SLC1A2: variants seen among roughly 807,000 people sequenced by gnomAD.
SLC1A2 encodes solute carrier family 1 member 2, also known as excitatory amino acid transporter 2.
In SLC1A2, 15 loss-of-function variants were observed where a neutral mutation model predicts 48.8. The ratio of observed to expected loss-of-function variants is 0.31; its 90% CI spans 0.21 to 0.47. SLC1A2 has a LOEUF of 0.47. SLC1A2 is among the 20% of genes least tolerant of loss of function. The pLI is 0.99. For synonymous variants in SLC1A2, 279 were observed against 272.6 expected, an observed-to-expected ratio of 1.02 and a Z score of -0.23; for missense variants, 502 against 730.5, an observed-to-expected ratio of 0.69 and a Z score of 3.61.
chr11:35,301,256 C>G (rs1169777163), intron 6 of SLC1A2, among the ~76,000 whole-genome samples: 2 of 152,120 alleles, frequency 1.3e-5, no homozygotes, highest in East Asian at 3.9e-4. Flanking sequence ...AAGACAGTTA[C>G]ATAAAAATAT....
At chr11:35,359,338 C>T (rs1853596694) in intron 1 of SLC1A2, among the ~76,000 whole-genome samples, 1 of 152,194 alleles carries the variant, frequency 6.6e-6, no homozygotes, top group Admixed American at 6.5e-5. Context: ...TCTTCAAGAT[C>T]CAATCATGGA....
intron 9 of SLC1A2, among the ~76,000 whole-genome samples, chr11:35,277,122 C>T (rs112958920): frequency 0.054 from 8,260 of 152,240 alleles, 739 homozygotes; most frequent in African/African-American, 0.19. Flanking sequence ...CTTTTAAAGG[C>T]CACACCTCTT....
intron 2 of SLC1A2, chr11:35,316,639 C>T (rs914455801): frequency 2.6e-5 from 4 of 152,306 alleles, no homozygotes; most frequent in Admixed American, 2.6e-4. Flanking sequence ...TTGTTCACTG[C>T]TTCTCTGTGA....
chr11:35,369,083 C>T (rs1244097899), intron 1 of SLC1A2, among the ~76,000 whole-genome samples: 3 of 152,148 alleles, frequency 2.0e-5, no homozygotes, highest in Non-Finnish European at 4.4e-5. Flanking sequence ...TCTGGGAGAG[C>T]TCATACTACA....
chr11:35,309,288 T>A (rs1168189583), intron 4 of SLC1A2, among the ~76,000 whole-genome samples: 2 of 152,034 alleles, frequency 1.3e-5, no homozygotes, highest in Non-Finnish European at 2.9e-5. Flanking sequence ...TCCTCATCTG[T>A]CTCCTCCCCC....
At chr11:35,420,331 G>A (rs144710703), upstream of SLC1A2, among the ~76,000 whole-genome samples, 83 of 151,956 alleles carry the variant, frequency 5.5e-4, no homozygotes, top group African/African-American at 1.9e-3. Context: ...CGAGCCTTCC[G>A]GACGCCTTTG....
At chr11:35,385,981 C>A (rs1351558522) in intron 1 of SLC1A2, among the ~76,000 whole-genome samples, 1 of 152,056 alleles carries the variant, frequency 6.6e-6, no homozygotes, top group African/African-American at 2.4e-5. Context: ...TCCTGGCTAA[C>A]ATGGTGAAAC....
At chr11:35,368,135 T>C (rs1249706600) in intron 1 of SLC1A2, among the ~76,000 whole-genome samples, 2 of 152,202 alleles carry the variant, frequency 1.3e-5, no homozygotes, top group African/African-American at 4.8e-5. Flanking sequence ...AGGACATAAC[T>C]TAATCCCTCA....
upstream of SLC1A2, among the ~76,000 whole-genome samples, chr11:35,420,231 G>C (rs1855750924): frequency 1.3e-5 from 2 of 150,782 alleles, no homozygotes. Context: ...GGCGGGGGAC[G>C]GTTCTCCACC....
chr11:35,359,773 A>AAAATCAG (rs1853610118), intron 1 of SLC1A2, among the ~76,000 whole-genome samples: 1 of 152,220 alleles, frequency 6.6e-6, no homozygotes, highest in South Asian at 2.1e-4. Context: ...GTTTTTCCTG[A>AAAATCAG]AAATCAGATT....
chr11:35,265,258 G>C (rs1231743533), intron 10 of SLC1A2: 1 of 531,134 alleles, frequency 1.9e-6, no homozygotes, highest in Non-Finnish European at 3.3e-6. Flanking sequence ...AGTTAAATGG[G>C]GTAGATAGGG....
intron 1 of SLC1A2, among the ~76,000 whole-genome samples, chr11:35,340,641 T>C (rs1385871891): frequency 6.6e-6 from 1 of 152,232 alleles, no homozygotes; most frequent in African/African-American, 2.4e-5. Flanking sequence ...GTAAATTAGA[T>C]GGGATCACTT....
Position 35,418,891 on chromosome 11 carries a change from G to A in SLC1A2, c.17+59C>T. 3.3e-6 allele frequency: 5 copies of A among 1,501,030 alleles called. No individual in the cohort carries two copies. The South Asian group carries it at 6.0e-5, about 18-fold the overall frequency. 93.0% of individuals were successfully genotyped at this position (1,501,030 alleles called of 1,614,324 possible). A position where few individuals can be genotyped will look rare whatever the true frequency, so the allele number is the denominator to read the frequency against. The stretch of plus-strand genomic sequence containing the variant: ...CTCTCTATCCGCATCCCGGATAGGG[G>A]CGCCACCACCCCGCGCGTGACCCCG... On this transcript the variant is annotated intron_variant, in intron 1 of 10. Transcript: ENST00000278379.
At chr11:35,261,338 T>C (rs1289750452) in intron 10 of SLC1A2, among the ~76,000 whole-genome samples, 1 of 152,198 alleles carries the variant, frequency 6.6e-6, no homozygotes, top group Non-Finnish European at 1.5e-5. Context: ...AATCCAGAAC[T>C]AGGTATCTAG....
chr11:35,333,213 GA>G (rs1852486739), intron 1 of SLC1A2, among the ~76,000 whole-genome samples: 1 of 152,128 alleles, frequency 6.6e-6, no homozygotes, highest in Admixed American at 6.6e-5. Context: ...AGGAGTTTGA[GA>G]CCAGCCTTGC....
chr11:35,395,627 T>C (rs551149271), intron 1 of SLC1A2, among the ~76,000 whole-genome samples: 76 of 151,710 alleles, frequency 5.0e-4, no homozygotes, highest in African/African-American at 1.8e-3. Context: ...TCTTAGACGC[T>C]AGGTGGGCTG....
chr11:35,315,261 C>T (rs1330244666), intron 2 of SLC1A2, 86 bp from the exon 3 acceptor site: 26 of 905,634 alleles, frequency 2.9e-5, no homozygotes, highest in Non-Finnish European at 3.9e-5. Context: ...CAACATTGAC[C>T]TTTCTCATGC....
At chr11:35,387,643 T>A (rs1854626589) in intron 1 of SLC1A2, among the ~76,000 whole-genome samples, 1 of 152,208 alleles carries the variant, frequency 6.6e-6, no homozygotes, top group Admixed American at 6.5e-5. Flanking sequence ...TTTTTGTGAA[T>A]GTTGAATTAC....
chr11:35,261,136 A>T (rs951430113), intron 10 of SLC1A2, among the ~76,000 whole-genome samples, 171 bp from the exon 11 acceptor site: 1 of 152,222 alleles, frequency 6.6e-6, no homozygotes, highest in Non-Finnish European at 1.5e-5. Context: ...TTCAACAGTG[A>T]TCTGAGAATT....
Sources: allele counts gnomAD v4.1 joint callset (sites outside exome capture counted in the v4.1 genomes callset), GRCh38; gene constraint gnomAD v4.1.1; transcripts MANE v1.5; gene names NCBI Gene and HGNC (gene_info 2026-07-23, HGNC 2026-07-21).